The following NFATC3 variants were observed in gnomAD, a reference collection of about 807,000 sequenced individuals.
The protein encoded by NFATC3 is nuclear factor of activated T cells 3, also known as nuclear factor of activated T-cells, cytoplasmic 3.
NFATC3 carries 46 observed loss-of-function variants against 98.6 expected under a neutral mutation model. The observed-to-expected ratio is 0.47, with a 90% CI of 0.37 to 0.60. The LOEUF is 0.60. Ranked by LOEUF, NFATC3 falls within the 20% of genes least tolerant of loss-of-function variation. NFATC3 has a pLI of 0.00. For synonymous variants in NFATC3, 512 were observed against 472.2 expected (o/e 1.08, Z -1.09); for missense variants, 1,256 against 1,295.5 (o/e 0.97, Z 0.47).
At chr16:68,127,566 T>C (rs2036902408) in intron 3 of NFATC3, among the ~76,000 whole-genome samples, 1 of 151,844 alleles carries the variant, frequency 6.6e-6, no homozygotes, top group Non-Finnish European at 1.5e-5. Flanking sequence ...TGTGTGCCTA[T>C]AGTCCCAGCC....
intron 8 of NFATC3, among the ~76,000 whole-genome samples, chr16:68,189,128 T>C (rs2040334545): frequency 1.3e-5 from 2 of 152,266 alleles, no homozygotes; most frequent in African/African-American, 4.8e-5. Context: ...TTGACAAATG[T>C]GTGAGATTTT....
chr16:68,224,188 T>G (rs2151184335), intron 9 of NFATC3, among the ~76,000 whole-genome samples: 1 of 151,260 alleles, frequency 6.6e-6, no homozygotes, highest in South Asian at 2.1e-4. Context: ...TATTGATTAA[T>G]CTTCACTGTT....
intron 9 of NFATC3, among the ~76,000 whole-genome samples, chr16:68,193,569 T>C (rs2040534343): frequency 6.6e-6 from 1 of 152,072 alleles, no homozygotes; most frequent in Non-Finnish European, 1.5e-5. Context: ...CTAGGAAGAC[T>C]GAAGTGGGAG....
intron 9 of NFATC3, among the ~76,000 whole-genome samples, chr16:68,198,909 A>G (rs932138753): frequency 1.3e-5 from 2 of 152,054 alleles, no homozygotes; most frequent in African/African-American, 4.8e-5. Flanking sequence ...CTAGCCAGAC[A>G]TGGTGGTGCG....
At chr16:68,144,436 A>G (rs74634504) in intron 3 of NFATC3, among the ~76,000 whole-genome samples, 1 of 137,232 alleles carries the variant, frequency 7.3e-6, no homozygotes, top group Non-Finnish European at 1.6e-5. Flanking sequence ...TTTATAACAG[A>G]AAAAAAAAAA....
At chr16:68,126,731 T>A in intron 3 of NFATC3, 121 bp downstream of exon 3, 3 of 894,768 alleles carry the variant, frequency 3.4e-6, no homozygotes, top group Non-Finnish European at 5.0e-6. Context: ...GAGCCTCTGT[T>A]GTTTTGGGGG....
chr16:68,126,302 T>C, intron 2 of NFATC3, 146 bp from the exon 3 acceptor site: 1 of 624,952 alleles, frequency 1.6e-6, no homozygotes, highest in East Asian at 2.8e-5. Context: ...TAACCAGAAT[T>C]GTAACTTACT....
At position 68,191,337 on chromosome 16, in the gene NFATC3, G is replaced by A; in HGVS notation, c.2668G>A (p.Gly890Arg). The A allele has an allele frequency of 1.2e-6, 2 of 1,614,114 alleles. No homozygotes were observed. The highest frequency in any genetic ancestry group is 1.1e-5 in the South Asian group (1 of 91,078). The part of the protein sequence containing the change: ...QSMGYHCSNT[G>R]QRSLSSPVAD... Reference sequence around the variant, plus strand: ...AATGGGATATCATTGTTCAAATACAGGACAAAGATCTCTTTCTTCTCCAGT... The same window carrying A: ...AATGGGATATCATTGTTCAAATACAAGACAAAGATCTCTTTCTTCTCCAGT... Residue 890 changes from glycine (G) to arginine (R), a missense_variant, in exon 9 of 10, where the codon GGA becomes AGA. By Grantham distance (125) the Gly-to-Arg change is moderately radical (BLOSUM62 -2). Coordinates refer to ENST00000346183, the MANE Select transcript of NFATC3 (RefSeq NM_173165.3).
chr16:68,221,418 C>G, intron 9 of NFATC3: 1 of 1,430,634 alleles, frequency 7.0e-7, no homozygotes, highest in Non-Finnish European at 9.2e-7. Flanking sequence ...AGTTCTGACT[C>G]CCTAGCCTAA....
At chr16:68,112,080 A>C (rs1208793602) in intron 1 of NFATC3, among the ~76,000 whole-genome samples, 1 of 151,850 alleles carries the variant, frequency 6.6e-6, no homozygotes, top group African/African-American at 2.4e-5. Flanking sequence ...GGAGAATCTG[A>C]TGATAATGTG....
intron 3 of NFATC3, among the ~76,000 whole-genome samples, chr16:68,136,897 G>T (rs1440994526): frequency 6.6e-6 from 1 of 152,114 alleles, no homozygotes; most frequent in East Asian, 1.9e-4. Flanking sequence ...ATTTACTTAA[G>T]AAAATATGGT....
rs1297251873 is a variant in NFATC3, at chr16:68,085,385, A to C, written c.-297A>C. Reference sequence around the variant, plus strand: ...GGCGCGCGGCAGGGCGCGAGAGCGCACCCGCGGCGGCGGTGGCGGCGACTG... The same window carrying C: ...GGCGCGCGGCAGGGCGCGAGAGCGCCCCCGCGGCGGCGGTGGCGGCGACTG... On this transcript the variant is annotated 5_prime_UTR_variant, in exon 1 of 10. Coordinates refer to ENST00000346183, the MANE Select transcript of NFATC3 (RefSeq NM_173165.3). 1 of 183,434 alleles carries C rather than the reference A, an allele frequency of 5.5e-6. No homozygotes were observed. Among genetic ancestry groups the C allele is most frequent in the East Asian group, 1.3e-4 (1 of 7,912 alleles). The allele number at this position is 183,434 out of a possible 1,614,324, so 11.4% of individuals were successfully genotyped here.
intron 2 of NFATC3, among the ~76,000 whole-genome samples, chr16:68,125,552 G>A (rs1201779937): frequency 1.3e-5 from 2 of 152,148 alleles, no homozygotes; most frequent in South Asian, 2.1e-4. Flanking sequence ...AGGGAAAGGC[G>A]CAGTAGGAAG....
intron 1 of NFATC3, among the ~76,000 whole-genome samples, chr16:68,090,125 C>A (rs967030072): frequency 2.6e-5 from 4 of 151,930 alleles, no homozygotes; most frequent in African/African-American, 7.3e-5. Context: ...AGATGTGATC[C>A]AATTTACTGT....
intron 1 of NFATC3, among the ~76,000 whole-genome samples, chr16:68,098,297 ATTATTTTTTTTT>A: frequency 9.9e-6 from 1 of 101,434 alleles, no homozygotes; most frequent in South Asian, 3.0e-4. Flanking sequence ...TATTATTATT[ATTATTTTTTTTT>A]TTTTTTTTTT....
chr16:68,179,574 A>AG (rs890339491), intron 6 of NFATC3, among the ~76,000 whole-genome samples: 6 of 152,262 alleles, frequency 3.9e-5, no homozygotes, highest in Non-Finnish European at 7.3e-5. Flanking sequence ...AAGTGATGCA[A>AG]GCTGTGTGTG....
At chr16:68,125,834 A>G (rs889673401) in intron 2 of NFATC3, among the ~76,000 whole-genome samples, 3 of 152,134 alleles carry the variant, frequency 2.0e-5, no homozygotes, top group Non-Finnish European at 4.4e-5. Flanking sequence ...GTCTTTTTCA[A>G]AAAAATATGG....
chr16:68,176,235 C>T (rs889471105), intron 6 of NFATC3, among the ~76,000 whole-genome samples: 2 of 152,190 alleles, frequency 1.3e-5, no homozygotes, highest in Non-Finnish European at 2.9e-5. Flanking sequence ...CTCGGCCTCC[C>T]AAAGTGCTGG....
chr16:68,183,374 G>A lies in NFATC3; in HGVS notation c.2098+8G>A. 5.6e-6 allele frequency: 9 copies of A among 1,610,530 alleles called. No homozygotes were observed. The highest frequency in any genetic ancestry group is 6.8e-6 in the Non-Finnish European group (8 of 1,179,854). On this transcript the variant is annotated splice_region_variant and intron_variant, in intron 8 of 9. Coordinates refer to ENST00000346183, the MANE Select transcript of NFATC3 (RefSeq NM_173165.3). ...GTTTTACTTATACACCAGGTACGAGGAGTCATGATGGTTTACTATAGAGCT... is the reference window on the plus strand; with the variant it reads ...GTTTTACTTATACACCAGGTACGAGAAGTCATGATGGTTTACTATAGAGCT...
Sources: gnomAD v4.1 joint callset for allele counts (sites outside exome capture counted in the v4.1 genomes callset) on GRCh38, gnomAD v4.1.1 for gene constraint, MANE v1.5 for transcripts, NCBI Gene and HGNC (gene_info 2026-07-23, HGNC 2026-07-21) for gene names.